Variants in SPART observed in about 807,000 individuals in gnomAD.
The protein encoded by SPART is spastic paraplegia 20 (Troyer syndrome).
SPART carries 35 observed loss-of-function variants against 58.7 expected under a neutral mutation model. That is an observed-to-expected ratio of 0.60 (90% CI 0.46 to 0.79). The LOEUF (loss-of-function observed/expected upper bound fraction) is 0.79, where lower values mean the gene tolerates loss of function less well. SPART is among the 30% of genes least tolerant of loss of function. The probability of loss-of-function intolerance (pLI) is 0.00; values close to 1 mark genes in which losing one functional copy is unlikely to be tolerated. For missense variants in SPART, 730 were observed against 786.1 expected, an observed-to-expected ratio of 0.93 and a Z score of 0.85; for synonymous variants, 284 against 280.7, an observed-to-expected ratio of 1.01 and a Z score of -0.12.
chr13:36,314,436 A>C lies in SPART; in HGVS notation c.1289-15T>G. On this transcript the variant is annotated splice_polypyrimidine_tract_variant and intron_variant, in intron 5 of 8. Transcript: ENST00000438666. ...CCAGGAAGCACCTTTTTAAAAGAAA[A>C]TTTAAAATTGCACAATATTAGGGCT... is the stretch of plus-strand genomic sequence containing the variant. 6.2e-7 allele frequency: 1 copy of C among 1,612,976 alleles called. No homozygotes were observed. Among genetic ancestry groups the C allele is most frequent in the Non-Finnish European group, 8.5e-7 (1 of 1,178,990 alleles).
At chr13:36,305,653 G>A (rs1880444546) in intron 8 of SPART, among the ~76,000 whole-genome samples, 1 of 152,066 alleles carries the variant, frequency 6.6e-6, no homozygotes, top group Admixed American at 6.6e-5. Flanking sequence ...AATAATATCT[G>A]CATTTAATAC....
intron 5 of SPART, among the ~76,000 whole-genome samples, chr13:36,317,372 G>A (rs903627795): frequency 4.6e-5 from 7 of 151,892 alleles, no homozygotes; most frequent in Admixed American, 6.6e-5. Flanking sequence ...CTAGAGGAGG[G>A]GCAAGTACCC....
At chr13:36,309,160 T>C (rs7992079) in intron 8 of SPART, among the ~76,000 whole-genome samples, 151,623 of 151,682 alleles carry the variant, frequency 1, 75,782 homozygotes, top group East Asian at 1. Flanking sequence ...AGGAGAATGG[T>C]GTGAACCTGG....
chr13:36,359,923 T>TAA (rs375878141), intron 1 of SPART, among the ~76,000 whole-genome samples: 6,068 of 120,294 alleles, frequency 0.05, 334 homozygotes, highest in African/African-American at 0.13. Context: ...GTTGTTAATT[T>TAA]AAAAAAAAAA....
chr13:36,367,456 C>T (rs989221533), intron 1 of SPART, among the ~76,000 whole-genome samples: 1 of 152,168 alleles, frequency 6.6e-6, no homozygotes, highest in South Asian at 2.1e-4. Flanking sequence ...CCTCCAGCCT[C>T]TGCATATATA....
chr13:36,364,085 A>G (rs1885968536), intron 1 of SPART, among the ~76,000 whole-genome samples: 1 of 152,124 alleles, frequency 6.6e-6, no homozygotes, highest in Admixed American at 6.5e-5. Flanking sequence ...CTGATTGCTA[A>G]AAGTTGGTGT....
intron 1 of SPART, among the ~76,000 whole-genome samples, chr13:36,363,931 A>G (rs2137728065): frequency 6.6e-6 from 1 of 152,288 alleles, no homozygotes; most frequent in Admixed American, 6.5e-5. Flanking sequence ...TAGCATTGGT[A>G]TGTATTATTA....
At chr13:36,315,076 G>A (rs1881553252) in intron 5 of SPART, among the ~76,000 whole-genome samples, 1 of 152,240 alleles carries the variant, frequency 6.6e-6, no homozygotes, top group Non-Finnish European at 1.5e-5. Flanking sequence ...TCTAAAAGAA[G>A]AAGAGTGAGG....
chr13:36,342,192 C>T (rs748347861), intron 1 of SPART, among the ~76,000 whole-genome samples: 6 of 152,158 alleles, frequency 3.9e-5, no homozygotes, highest in Non-Finnish European at 8.8e-5. Context: ...ATATGCTGGA[C>T]AGTATGCTAG....
chr13:36,324,647 C>T (rs1160718197), intron 5 of SPART, among the ~76,000 whole-genome samples: 1 of 152,116 alleles, frequency 6.6e-6, no homozygotes, highest in Non-Finnish European at 1.5e-5. Flanking sequence ...TGTTACATAG[C>T]AGTAGTAAAT....
intron 1 of SPART, among the ~76,000 whole-genome samples, chr13:36,353,496 A>G (rs1372332515): frequency 6.6e-6 from 1 of 152,174 alleles, no homozygotes; most frequent in East Asian, 1.9e-4. Flanking sequence ...GGGAGAACAC[A>G]CACCATGGGG....
intron 5 of SPART, among the ~76,000 whole-genome samples, chr13:36,317,649 C>T (rs1881876465): frequency 6.6e-6 from 1 of 151,934 alleles, no homozygotes; most frequent in East Asian, 1.9e-4. Flanking sequence ...CGAACCCCTT[C>T]CCTCCGTTTC....
intron 5 of SPART, among the ~76,000 whole-genome samples, chr13:36,324,380 G>A (rs1211781590): frequency 6.6e-6 from 1 of 152,134 alleles, no homozygotes; most frequent in Non-Finnish European, 1.5e-5. Flanking sequence ...AGCCACAAGA[G>A]GCCATGTGTA....
chr13:36,325,750 A>G (rs1882865074), intron 5 of SPART, among the ~76,000 whole-genome samples: 1 of 152,158 alleles, frequency 6.6e-6, no homozygotes, highest in African/African-American at 2.4e-5. Flanking sequence ...AACAGCAGAG[A>G]CTACTTCTCA....
intron 5 of SPART, among the ~76,000 whole-genome samples, chr13:36,317,061 G>A (rs551904007): frequency 2.6e-5 from 4 of 152,238 alleles, no homozygotes; most frequent in Admixed American, 6.5e-5. Flanking sequence ...AAGGAGACAC[G>A]TTTTATCCGT....
intron 3 of SPART, among the ~76,000 whole-genome samples, 186 bp downstream of exon 3, chr13:36,331,213 T>C (rs1883427993): frequency 6.6e-6 from 1 of 152,206 alleles, no homozygotes; most frequent in African/African-American, 2.4e-5. Flanking sequence ...AATTTGACTC[T>C]AGAGCTCACA....
Position 36,302,138 on chromosome 13 carries a change from A to T in SPART, c.*2227T>A, listed in dbSNP as rs1463500724. ...GGGAAAGAGGTAAGAAAATAGGAAGAACATACATATAGGTAATTGGCAGCT... is the reference window on the plus strand; with the variant it reads ...GGGAAAGAGGTAAGAAAATAGGAAGTACATACATATAGGTAATTGGCAGCT... On this transcript the variant is annotated 3_prime_UTR_variant, in exon 9 of 9. Transcript: ENST00000438666. 6.6e-6 allele frequency: 1 copy of T among 152,180 alleles called. No homozygotes were observed. The highest frequency in any genetic ancestry group is 2.4e-5 in the African/African-American group (1 of 41,448). 9.4% of individuals were successfully genotyped at this position (152,180 alleles called of 1,614,324 possible). A position where few individuals can be genotyped will look rare whatever the true frequency, so the allele number is the denominator to read the frequency against.
chr13:36,369,474 C>A (rs1886191137), intron 1 of SPART: 1 of 152,166 alleles, frequency 6.6e-6, no homozygotes, highest in African/African-American at 2.4e-5. Context: ...GGAACCATAA[C>A]TGATTTATCC....
At position 36,326,693 on chromosome 13, in the gene SPART, T is replaced by C. The variant is rs1882970740; in HGVS notation, c.1170A>G (p.Lys390=). 6.2e-7 allele frequency: 1 copy of C among 1,612,744 alleles called. No homozygotes were observed. The highest frequency in any genetic ancestry group is 1.3e-5 in the African/African-American group (1 of 74,856). Residue 390 remains lysine, a synonymous_variant, in exon 5 of 9, where the codon AAA becomes AAG. Coordinates refer to ENST00000438666, the MANE Select transcript of SPART (RefSeq NM_015087.5). ...GGTTAACTTCTTCACTTGAAGTATCTTTAGCCTAAACAGTAAAAATGTTTC... is the reference window on the plus strand; with the variant it reads ...GGTTAACTTCTTCACTTGAAGTATCCTTAGCCTAAACAGTAAAAATGTTTC... ...RHKGKRGKRA[K]DTSSEEVNLS...
Sources: allele counts gnomAD v4.1 joint callset (sites outside exome capture counted in the v4.1 genomes callset), GRCh38; gene constraint gnomAD v4.1.1; transcripts MANE v1.5; gene names NCBI Gene and HGNC (gene_info 2026-07-23, HGNC 2026-07-21).